ST13: variants seen among roughly 807,000 people sequenced by gnomAD.
ST13 encodes the protein hsc70-interacting protein.
A neutral mutation model predicts 56.7 loss-of-function variants in ST13; 23 were observed. The ratio of observed to expected loss-of-function variants is 0.41; its 90% CI spans 0.29 to 0.57. ST13 has a LOEUF of 0.57. Among genes scored for constraint, ST13 ranks in the 20% least tolerant of loss-of-function variants. The pLI, the probability that ST13 is intolerant of heterozygous loss-of-function variation, is 0.36. For synonymous variants in ST13, 132 were observed against 142.4 expected (o/e 0.93, Z 0.52); for missense variants, 369 against 459.9 (o/e 0.80, Z 1.81).
intron 5 of ST13, among the ~76,000 whole-genome samples, chr22:40,838,779 G>C (rs1017814254): frequency 4.6e-5 from 7 of 151,974 alleles, no homozygotes; most frequent in African/African-American, 1.7e-4. Flanking sequence ...TAGGTGGTAG[G>C]GAAATTAGCA....
At chr22:40,843,516 AT>A (rs1443501548) in intron 4 of ST13, among the ~76,000 whole-genome samples, 3 of 152,196 alleles carry the variant, frequency 2.0e-5, no homozygotes, top group Non-Finnish European at 4.4e-5. Flanking sequence ...GAAACAGTGT[AT>A]TTTAGTTTTG....
chr22:40,831,662 A>C (rs1456857133), intron 8 of ST13, among the ~76,000 whole-genome samples: 1 of 152,208 alleles, frequency 6.6e-6, no homozygotes, highest in Non-Finnish European at 1.5e-5. Context: ...GTAAATAATT[A>C]AATTCAATAC....
chr22:40,826,764 T>C, intron 11 of ST13, 98 bp from the exon 12 acceptor site: 2 of 1,425,940 alleles, frequency 1.4e-6, no homozygotes, highest in Non-Finnish European at 1.9e-6. Flanking sequence ...TGTAATTTGG[T>C]GATAGTTAAG....
chr22:40,848,324 C>T lies in ST13; in HGVS notation c.214G>A (p.Asp72Asn), dbSNP rs376015113. ...TCACTTTCCTCACTTGATGGTTCGT[C>T]TGCCTTTAAGTCTTCCTCCACCTTC... ...SKKVEEDLKA[D>N]EPSSEESDLE... Residue 72 changes from aspartate (D) to asparagine (N), a missense_variant, in exon 3 of 12, where the codon GAC becomes AAC. Around this residue, in one of 3 missense-constraint regions of ST13, gnomAD observed 169 missense variants for 175.6 expected, o/e 0.96. Coordinates refer to ENST00000216218, the MANE Select transcript of ST13 (RefSeq NM_003932.5). 1.5e-5 allele frequency: 25 copies of T among 1,613,546 alleles called. No individual in the cohort carries two copies. The highest frequency in any genetic ancestry group is 1.6e-5 in the Non-Finnish European group (19 of 1,179,760).
At chr22:40,855,274 A>AC (rs2057884145) in intron 1 of ST13, among the ~76,000 whole-genome samples, 1 of 151,746 alleles carries the variant, frequency 6.6e-6, no homozygotes, top group Non-Finnish European at 1.5e-5. Context: ...ACTTAATGGG[A>AC]CCCCCATCTC....
In ST13 at chr22:40,827,169, C is replaced by A; in HGVS notation, c.908G>T (p.Gly303Val). Residue 303 changes from glycine (G) to valine (V), a missense_variant, in exon 11 of 12, where the codon GGC becomes GTC. Around this residue, in one of 3 missense-constraint regions of ST13, gnomAD observed 136 missense variants for 159.2 expected, o/e 0.85. Coordinates refer to ENST00000216218, the MANE Select transcript of ST13 (RefSeq NM_003932.5). ...FPGGMPGMGGGMPGMAGMPGL... is the reference protein window; with the variant it reads ...FPGGMPGMGGVMPGMAGMPGL... ...AGGCATTCCAGCCATTCCAGGCATG[C>A]CCCCTCCCATTCCAGGCATTCCTCC... 6.2e-7 allele frequency: 1 copy of A among 1,612,674 alleles called. No homozygotes were observed. The highest frequency in any genetic ancestry group is 8.5e-7 in the Non-Finnish European group (1 of 1,179,920).
At chr22:40,840,332 C>T (rs2057797235) in intron 5 of ST13, among the ~76,000 whole-genome samples, 1 of 149,906 alleles carries the variant, frequency 6.7e-6, no homozygotes, top group Non-Finnish European at 1.5e-5. Context: ...TGTTCTACTA[C>T]TACTTTTTTT....
At chr22:40,843,866 T>G (rs935478640) in intron 4 of ST13, among the ~76,000 whole-genome samples, 1 of 150,046 alleles carries the variant, frequency 6.7e-6, no homozygotes, top group African/African-American at 2.5e-5. Flanking sequence ...TCAGCCTCAT[T>G]AGGAATCAGG....
intron 2 of ST13, among the ~76,000 whole-genome samples, chr22:40,848,824 A>G (rs2057846301): frequency 2.6e-5 from 4 of 152,228 alleles, no homozygotes; most frequent in Admixed American, 2.6e-4. Flanking sequence ...CCTCATGTCC[A>G]CTCACATTAT....
At chr22:40,837,095 T>A (rs2057781134) in intron 5 of ST13, among the ~76,000 whole-genome samples, 1 of 152,234 alleles carries the variant, frequency 6.6e-6, no homozygotes. Flanking sequence ...GGATTACCAC[T>A]GTGCCAGGCC....
chr22:40,837,977 T>C (rs1325150912), intron 5 of ST13, among the ~76,000 whole-genome samples: 2 of 152,198 alleles, frequency 1.3e-5, no homozygotes, highest in Admixed American at 6.5e-5. Flanking sequence ...TCCCATTTCC[T>C]AGCCCATTTC....
chr22:40,840,608 A>G lies in ST13; in HGVS notation c.382+18T>C, dbSNP rs1255054706. 1.9e-6 allele frequency: 3 copies of G among 1,603,796 alleles called. No homozygotes were observed. The highest frequency in any genetic ancestry group is 2.6e-6 in the Non-Finnish European group (3 of 1,175,910). On this transcript the variant is annotated intron_variant, in intron 5 of 11. Coordinates refer to ENST00000216218, the MANE Select transcript of ST13 (RefSeq NM_003932.5). ...AATATTCTGACTACCATAGAAATGT[A>G]GCAAAAAGATTACTCACCATCATTT...
intron 5 of ST13, among the ~76,000 whole-genome samples, chr22:40,837,167 G>A (rs1006194641): frequency 2.0e-5 from 3 of 152,178 alleles, no homozygotes; most frequent in South Asian, 2.1e-4. Flanking sequence ...GCCAGTTAGC[G>A]AATGAGTAAA....
intron 2 of ST13, among the ~76,000 whole-genome samples, chr22:40,849,884 G>C (rs1290571190): frequency 7.1e-6 from 1 of 140,280 alleles, no homozygotes; most frequent in African/African-American, 2.7e-5. Context: ...TTTTCTTGTC[G>C]ATTTAAGACA....
chr22:40,840,487 A>G, intron 5 of ST13, 139 bp downstream of exon 5: 2 of 661,782 alleles, frequency 3.0e-6, no homozygotes, highest in Non-Finnish European at 5.2e-6. Context: ...ATCAATGAGG[A>G]AGGGGTGACT....
intron 3 of ST13, among the ~76,000 whole-genome samples, chr22:40,845,714 G>A (rs889895811): frequency 6.7e-6 from 1 of 149,078 alleles, no homozygotes; most frequent in African/African-American, 2.6e-5. Context: ...AGTGGAAAAC[G>A]AGTTTTATAT....
At chr22:40,832,693 T>C (rs1459173628) in intron 7 of ST13, 22 bp from the exon 8 acceptor site, 1 of 1,539,738 alleles carries the variant, frequency 6.5e-7, no homozygotes, top group East Asian at 2.2e-5. Context: ...TTACACTCAT[T>C]TTAGGAGCCT....
intron 8 of ST13, among the ~76,000 whole-genome samples, chr22:40,831,355 G>A (rs539040893): frequency 1.3e-5 from 2 of 152,170 alleles, no homozygotes; most frequent in Non-Finnish European, 2.9e-5. Flanking sequence ...CAGAGACTGG[G>A]AACTCATACC....
chr22:40,845,556 GATTTAAAAATAA>G (rs2057826623), intron 3 of ST13, among the ~76,000 whole-genome samples: 1 of 152,080 alleles, frequency 6.6e-6, no homozygotes, highest in South Asian at 2.1e-4. Context: ...ACCAAGGCTA[GATTTAAAAATAA>G]ATTTAGTTTC....
Sources: allele counts gnomAD v4.1 joint callset (sites outside exome capture counted in the v4.1 genomes callset), GRCh38; gene constraint gnomAD v4.1.1; regional missense constraint gnomAD v4.1.1; transcripts MANE v1.5; gene names NCBI Gene and HGNC (gene_info 2026-07-23, HGNC 2026-07-21).